The following FAM53A variants were observed in gnomAD, a reference collection of about 807,000 sequenced individuals.
The protein encoded by FAM53A is protein FAM53A.
FAM53A carries 28 observed loss-of-function variants against 26.6 expected under a neutral mutation model. The ratio of observed to expected loss-of-function variants is 1.05; its 90% confidence interval spans 0.78 to 1.45. FAM53A has a LOEUF of 1.45. Ranked by LOEUF, FAM53A falls within the 40% of genes most tolerant of loss-of-function variation. The pLI is 0.00. For synonymous variants in FAM53A, 290 were observed against 253.1 expected, an observed-to-expected ratio of 1.15 and a Z score of -1.38; for missense variants, 650 against 575.8, an observed-to-expected ratio of 1.13 and a Z score of -1.32.
the FAM53A span, among the ~76,000 whole-genome samples, chr4:1,594,238 A>G: frequency 0.11 from 16,277 of 152,222 alleles, 1,279 homozygotes; most frequent in Admixed American, 0.2. Context: ...GGACGGACAG[A>G]TAAACCGATT....
the FAM53A span, among the ~76,000 whole-genome samples, chr4:1,601,728 C>T: frequency 9.1e-6 from 1 of 109,480 alleles, no homozygotes; most frequent in Admixed American, 1.0e-4. Context: ...TGCCCCTGGG[C>T]TGTGAGCTCC....
At chr4:1,594,600 T>G in the FAM53A span, among the ~76,000 whole-genome samples, 1 of 152,250 alleles carries the variant, frequency 6.6e-6, no homozygotes, top group Non-Finnish European at 1.5e-5. Context: ...CCCAGCACTT[T>G]GGGAGACCAA....
At chr4:1,680,988 CA>C (rs1715395223) in intron 1 of FAM53A, among the ~76,000 whole-genome samples, 1 of 152,172 alleles carries the variant, frequency 6.6e-6, no homozygotes, top group African/African-American at 2.4e-5. Context: ...GGATAATAAG[CA>C]TGTGTCCATG....
intron 4 of FAM53A, among the ~76,000 whole-genome samples, chr4:1,653,053 A>C (rs780743487): frequency 1.8e-4 from 27 of 149,506 alleles, no homozygotes; most frequent in Non-Finnish European, 3.6e-4. Context: ...TAGACCACAC[A>C]CCACCCATAG....
the FAM53A span, among the ~76,000 whole-genome samples, chr4:1,609,125 G>T: frequency 6.6e-6 from 1 of 152,066 alleles, no homozygotes; most frequent in South Asian, 2.1e-4. Context: ...CTGGGAGAGA[G>T]GGCTGTCCAG....
At chr4:1,607,503 C>T in the FAM53A span, among the ~76,000 whole-genome samples, 1 of 152,176 alleles carries the variant, frequency 6.6e-6, no homozygotes, top group Non-Finnish European at 1.5e-5. Context: ...ATCTCCACCC[C>T]ACCCATCCCC....
chr4:1,618,024 G>C (rs73795180), exon 2 of FAM53A: 6,889 of 456,338 alleles, frequency 0.015, 438 homozygotes, highest in African/African-American at 0.12. Context: ...CCAGTGAGGA[G>C]ACGGCTGTCA....
intron 2 of FAM53A, among the ~76,000 whole-genome samples, chr4:1,658,354 C>T (rs562484555): frequency 6.6e-6 from 1 of 152,346 alleles, no homozygotes; most frequent in African/African-American, 2.4e-5. Flanking sequence ...AGGCATGCAT[C>T]CTGTCCCTGC....
At chr4:1,584,104 G>A in the FAM53A span, among the ~76,000 whole-genome samples, 4 of 152,142 alleles carry the variant, frequency 2.6e-5, no homozygotes, top group East Asian at 1.9e-4. Context: ...CAGATGTTGC[G>A]ATATCATCTA....
chr4:1,602,056 G>A, the FAM53A span, among the ~76,000 whole-genome samples: 5 of 152,020 alleles, frequency 3.3e-5, no homozygotes, highest in South Asian at 6.3e-4. Flanking sequence ...AGATGGGACG[G>A]TGGGTGTCAC....
chr4:1,590,983 T>TATATAC, the FAM53A span, among the ~76,000 whole-genome samples: 1 of 132,378 alleles, frequency 7.6e-6, no homozygotes, highest in South Asian at 2.4e-4. Flanking sequence ...TATATATATA[T>TATATAC]ATATATATAT....
chr4:1,649,158 AGGGAAGGGGAAAGGGAAAGGGAAG>A (rs1712513251), intron 4 of FAM53A, among the ~76,000 whole-genome samples: 1 of 81,918 alleles, frequency 1.2e-5, no homozygotes, highest in Non-Finnish European at 2.5e-5. Flanking sequence ...GGAAGGGGAA[AGGGAAGGGGAAAGGGAAAGGGAAG>A]GGGAAGGGGA....
the FAM53A span, among the ~76,000 whole-genome samples, chr4:1,582,627 G>A: frequency 0.015 from 2,226 of 152,268 alleles, 52 homozygotes; most frequent in African/African-American, 0.051. Flanking sequence ...AGGCCGAGGC[G>A]GGAGGAGCTC....
At chr4:1,594,809 C>G in the FAM53A span, among the ~76,000 whole-genome samples, 1 of 152,156 alleles carries the variant, frequency 6.6e-6, no homozygotes, top group Admixed American at 6.5e-5. Flanking sequence ...TGCCACTGCA[C>G]TTCAGCCTGG....
the FAM53A span, among the ~76,000 whole-genome samples, chr4:1,608,503 G>A: frequency 5.9e-5 from 9 of 152,342 alleles, no homozygotes; most frequent in East Asian, 1.2e-3. Flanking sequence ...GTTGTCCCAG[G>A]GGCCTGTCCT....
chr4:1,584,315 C>G, the FAM53A span, among the ~76,000 whole-genome samples: 1 of 152,198 alleles, frequency 6.6e-6, no homozygotes, highest in Non-Finnish European at 1.5e-5. Flanking sequence ...TTACCGTTTA[C>G]ATTTAGGTCC....
At chr4:1,663,149 G>A (rs1293406865) in intron 2 of FAM53A, among the ~76,000 whole-genome samples, 3 of 151,704 alleles carry the variant, frequency 2.0e-5, no homozygotes, top group African/African-American at 4.9e-5. Flanking sequence ...CCGAGATCGC[G>A]CCACTGCACT....
At chr4:1,592,597 C>G in the FAM53A span, among the ~76,000 whole-genome samples, 1 of 152,200 alleles carries the variant, frequency 6.6e-6, no homozygotes, top group Admixed American at 6.5e-5. Flanking sequence ...GCACCCCCTG[C>G]CCAGCCCCTC....
chr4:1,576,170 G>A, the FAM53A span, among the ~76,000 whole-genome samples: 1 of 152,206 alleles, frequency 6.6e-6, no homozygotes, highest in Admixed American at 6.5e-5. Flanking sequence ...CAGAACTGAT[G>A]GCTGCAGAAG....
Sources: allele counts gnomAD v4.1 joint callset (sites outside exome capture counted in the v4.1 genomes callset), GRCh38; gene constraint gnomAD v4.1.1; transcripts MANE v1.5; gene names NCBI Gene and HGNC (gene_info 2026-07-23, HGNC 2026-07-21).